Variants in SOX6 observed in about 807,000 individuals in gnomAD.
The protein encoded by SOX6 is transcription factor SOX-6.
SOX6 carries 11 observed loss-of-function variants against 97.8 expected under a neutral mutation model. The ratio of observed to expected loss-of-function variants is 0.11; its 90% CI spans 0.07 to 0.19. The LOEUF (loss-of-function observed/expected upper bound fraction) is 0.19. SOX6 is among the 10% of genes least tolerant of loss of function. The pLI is 1.00. For synonymous variants in SOX6, 360 were observed against 371.4 expected, an observed-to-expected ratio of 0.97 and a Z score of 0.35; for missense variants, 810 against 1,039.5, an observed-to-expected ratio of 0.78 and a Z score of 3.04.
intron 1 of SOX6, among the ~76,000 whole-genome samples, chr11:16,435,540 T>C (rs1169192059): frequency 1.3e-5 from 2 of 151,944 alleles, no homozygotes; most frequent in Non-Finnish European, 2.9e-5. Context: ...CACCAGAAGC[T>C]AGGAAGAGGC....
chr11:16,055,704 T>G, intron 10 of SOX6, 48 bp downstream of exon 10: 1 of 1,612,444 alleles, frequency 6.2e-7, no homozygotes, highest in Non-Finnish European at 8.5e-7. Flanking sequence ...ATCTTTCTTG[T>G]GAAACTTTTT....
chr11:15,969,673 T>C lies in SOX6; in HGVS notation c.*3136A>G, dbSNP rs1017832864. On this transcript the variant is annotated 3_prime_UTR_variant, in exon 16 of 16. Coordinates refer to ENST00000683767, the MANE Select transcript of SOX6 (RefSeq NM_001367873.1). ...TAACTTATATCTCACTAAGTATTCA[T>C]GAACCAAAAATAAATTCTATTTCTA... is the stretch of plus-strand genomic sequence containing the variant. 6.6e-6 allele frequency: 1 copy of C among 152,184 alleles called. No homozygotes were observed. Among genetic ancestry groups the C allele is most frequent in the Non-Finnish European group, 1.5e-5 (1 of 68,036 alleles). The allele number at this position is 152,184 out of a possible 1,614,324, so 9.4% of individuals were successfully genotyped here.
intron 1 of SOX6, among the ~76,000 whole-genome samples, chr11:16,385,320 C>A (rs1295347687): frequency 6.6e-6 from 1 of 152,030 alleles, no homozygotes; most frequent in East Asian, 1.9e-4. Context: ...TATTTCATTT[C>A]TTTTCTTGGA....
intron 12 of SOX6, among the ~76,000 whole-genome samples, chr11:16,028,543 G>A (rs754170611): frequency 6.6e-6 from 1 of 152,146 alleles, no homozygotes; most frequent in African/African-American, 2.4e-5. Context: ...GAACAATGAT[G>A]GGTACATTAT....
intron 4 of SOX6, among the ~76,000 whole-genome samples, chr11:16,192,524 A>G (rs1254363670): frequency 1.3e-5 from 2 of 152,180 alleles, no homozygotes; most frequent in Admixed American, 1.3e-4. Context: ...TTCAAATACC[A>G]TCTTTCATTA....
chr11:16,125,176 G>A (rs534014390), intron 6 of SOX6, among the ~76,000 whole-genome samples: 14 of 152,092 alleles, frequency 9.2e-5, no homozygotes, highest in Non-Finnish European at 1.6e-4. Flanking sequence ...TCCTATAGGG[G>A]AGAAGAGTCT....
rs868196137 is a variant in SOX6, at chr11:16,466,917, C to T, written c.-5+9398G>A. Among the ~76,000 whole-genome samples the T allele has an allele frequency of 6.5e-5, 7 of 106,996 alleles. No homozygotes were observed. The Admixed American group carries it at 9.5e-4, about 15-fold the overall frequency. 70.2% of individuals were successfully genotyped at this position (106,996 alleles called of 152,430 possible). On this transcript the variant is annotated intron_variant, in intron 1 of 15. Coordinates refer to the SOX6 transcript ENST00000396356. ...CTGCACTCCAGCCTGGGCGACAGAG[C>T]GAGACTCCGTCTCAAAAAAAAAAAA...
chr11:16,000,729 T>TGC (rs1052207282), intron 13 of SOX6, among the ~76,000 whole-genome samples: 9 of 152,022 alleles, frequency 5.9e-5, no homozygotes, highest in African/African-American at 2.2e-4. Flanking sequence ...TGTGTGTGTG[T>TGC]GCGCGCGTGC....
intron 4 of SOX6, among the ~76,000 whole-genome samples, chr11:16,495,367 G>T (rs1334337509): frequency 6.6e-6 from 1 of 152,116 alleles, no homozygotes; most frequent in Non-Finnish European, 1.5e-5. Flanking sequence ...CAAAACTAGT[G>T]CCCATATGTA....
intron 6 of SOX6, among the ~76,000 whole-genome samples, chr11:16,139,123 A>C (rs1321366167): frequency 6.6e-6 from 1 of 152,164 alleles, no homozygotes; most frequent in African/African-American, 2.4e-5. Context: ...GGTAATATAC[A>C]TCAATTTATC....
At chr11:16,428,440 A>G (rs1212416853) in intron 1 of SOX6, among the ~76,000 whole-genome samples, 1 of 152,154 alleles carries the variant, frequency 6.6e-6, no homozygotes, top group Non-Finnish European at 1.5e-5. Flanking sequence ...GTTTTCTTCT[A>G]GGGTTTTTAT....
intron 4 of SOX6, among the ~76,000 whole-genome samples, chr11:16,587,875 C>T (rs977677123): frequency 3.3e-5 from 5 of 152,300 alleles, no homozygotes; most frequent in East Asian, 1.9e-4. Context: ...GCCAAACACA[C>T]GCAATGAATT....
rs1339694765 is a variant in SOX6 at position 16,605,904 on chromosome 11, G to A, written n.609+6177C>T. ...AAATATTTGCTAGGAAACTTACTTT[G>A]CATTTAGTCTCTATTCTTTGGGGGA... On this transcript the variant is annotated intron_variant and non_coding_transcript_variant, in intron 4 of 5. Coordinates refer to the SOX6 transcript ENST00000524520. The surrounding 1 kb of genome is among the most constrained non-coding windows in gnomAD (Gnocchi z 5.3). The A allele has an allele frequency of 6.6e-6, 1 of 152,226 alleles. No homozygotes were observed. Among genetic ancestry groups the A allele is most frequent in the East Asian group, 1.9e-4 (1 of 5,192 alleles). 9.4% of individuals were successfully genotyped at this position (152,226 alleles called of 1,614,324 possible).
At chr11:16,480,634 T>C (rs1201441124), upstream of SOX6, among the ~76,000 whole-genome samples, 1 of 109,968 alleles carries the variant, frequency 9.1e-6, no homozygotes, top group Non-Finnish European at 1.9e-5. Flanking sequence ...CACCCATTTC[T>C]GTTTTTAGTA....
chr11:16,464,811 C>G (rs11822431), intron 1 of SOX6, among the ~76,000 whole-genome samples: 17 of 152,092 alleles, frequency 1.1e-4, no homozygotes, highest in African/African-American at 3.9e-4. Flanking sequence ...ACCAAGTAGG[C>G]ACACATTTCC....
chr11:16,400,658 C>A lies in SOX6; in HGVS notation c.-4-59406G>T, dbSNP rs552454946. 2.4e-4 allele frequency among the ~76,000 whole-genome samples: 37 copies of A among 151,366 alleles called. No homozygotes were observed. The South Asian group carries it at 2.9e-3, about 12-fold the overall frequency. The stretch of plus-strand genomic sequence containing the variant: ...GTATACATAATATGATCCAATCTTG[C>A]AGAAAATTTTTTTCATTTGCTCAAC... On this transcript the variant is annotated intron_variant, in intron 1 of 15. Coordinates refer to the SOX6 transcript ENST00000396356.
chr11:16,391,208 G>C (rs963560997), intron 1 of SOX6, among the ~76,000 whole-genome samples: 1 of 152,156 alleles, frequency 6.6e-6, no homozygotes, highest in Admixed American at 6.5e-5. Context: ...GGCTAGGGGA[G>C]GGATAACATT....
intron 3 of SOX6, among the ~76,000 whole-genome samples, chr11:16,686,691 C>T (rs1847971904): frequency 6.6e-6 from 1 of 152,232 alleles, no homozygotes; most frequent in South Asian, 2.1e-4. Context: ...CAAAACTCTT[C>T]CAATCTCTGC....
chr11:16,077,934 T>C (rs1164344747), intron 9 of SOX6, among the ~76,000 whole-genome samples: 2 of 150,644 alleles, frequency 1.3e-5, no homozygotes, highest in African/African-American at 2.5e-5. Flanking sequence ...ATAACAAACT[T>C]GCCAAAAAAA....
Sources: allele counts gnomAD v4.1 joint callset (sites outside exome capture counted in the v4.1 genomes callset), GRCh38; gene constraint gnomAD v4.1.1; non-coding constraint Gnocchi (gnomAD v3.1); transcripts MANE v1.5; gene names NCBI Gene and HGNC (gene_info 2026-07-23, HGNC 2026-07-21).